CNBD1: variants seen among roughly 807,000 people sequenced by gnomAD.
CNBD1 encodes cyclic nucleotide binding domain containing 1.
CNBD1 carries 71 observed loss-of-function variants against 54.4 expected under a neutral mutation model. The observed-to-expected ratio is 1.30, with a 90% CI of 1.08 to 1.59. CNBD1 has a LOEUF of 1.59. CNBD1 is among the 40% of genes most tolerant of loss of function. The pLI, the probability that CNBD1 is intolerant of heterozygous loss-of-function variation, is 0.00. For missense variants in CNBD1, 659 were observed against 518.0 expected, an observed-to-expected ratio of 1.27 and a Z score of -2.64; for synonymous variants, 182 against 170.7, an observed-to-expected ratio of 1.07 and a Z score of -0.51.
chr8:86,940,238 C>T (rs189725505), intron 4 of CNBD1, among the ~76,000 whole-genome samples: 118 of 147,478 alleles, frequency 8.0e-4, no homozygotes, highest in African/African-American at 2.9e-3. Flanking sequence ...GCAATCTCAA[C>T]TCACTGCAAC....
At chr8:87,255,158 G>C (rs936751899) in intron 6 of CNBD1, among the ~76,000 whole-genome samples, 2 of 151,968 alleles carry the variant, frequency 1.3e-5, no homozygotes, top group African/African-American at 4.8e-5. Flanking sequence ...CATTTCAGTT[G>C]GATTATGTCA....
intron 5 of CNBD1, among the ~76,000 whole-genome samples, chr8:87,224,658 G>C (rs1365885311): frequency 6.6e-6 from 1 of 151,818 alleles, no homozygotes; most frequent in Non-Finnish European, 1.5e-5. Context: ...TTGTAGTATA[G>C]TTTGAAGTCA....
chr8:87,173,958 A>G (rs1053027113), intron 4 of CNBD1, among the ~76,000 whole-genome samples: 3 of 149,988 alleles, frequency 2.0e-5, no homozygotes, highest in Non-Finnish European at 4.4e-5. Context: ...TTATTTATTT[A>G]TTTATTATTA....
chr8:87,215,348 T>G (rs1814186506), intron 5 of CNBD1, among the ~76,000 whole-genome samples: 1 of 152,128 alleles, frequency 6.6e-6, no homozygotes, highest in Admixed American at 6.5e-5. Flanking sequence ...TTATTGCTGA[T>G]GCATAAGGTG....
chr8:87,312,897 T>C (rs1280785388), intron 8 of CNBD1, among the ~76,000 whole-genome samples: 1 of 152,048 alleles, frequency 6.6e-6, no homozygotes, highest in African/African-American at 2.4e-5. Flanking sequence ...GATAGAGCTA[T>C]GAGATTTGTA....
chr8:87,370,909 G>T (rs1384440269), intron 10 of CNBD1, among the ~76,000 whole-genome samples: 5 of 151,236 alleles, frequency 3.3e-5, no homozygotes, highest in Non-Finnish European at 7.4e-5. Context: ...TTTGTATAAG[G>T]TATAAGGAAG....
rs1563441924 is a variant in CNBD1, at chr8:87,030,934, CTTCCCCCT to C, written c.431+91181_431+91188del. The stretch of plus-strand genomic sequence containing the variant: ...CTCCTCCCCCCCTCCTCCTGCCCCC[CTTCCCCCT>C]CCTCCCCCTCTTCCTCTCCCCCCTT... On this transcript the variant is annotated intron_variant, in intron 4 of 10. Coordinates refer to ENST00000518476, the MANE Select transcript of CNBD1 (RefSeq NM_173538.3). 5.8e-3 allele frequency among the ~76,000 whole-genome samples: 617 copies of C among 106,436 alleles called. 16 individuals are homozygous for C. Among genetic ancestry groups the C allele is most frequent in the African/African-American group, 0.022 (590 of 26,448 alleles). The allele number at this position is 106,436 out of a possible 152,430, so 69.8% of individuals were successfully genotyped here.
intron 4 of CNBD1, among the ~76,000 whole-genome samples, chr8:86,940,340 T>C (rs1206548787): frequency 6.6e-6 from 1 of 152,080 alleles, no homozygotes; most frequent in Admixed American, 6.5e-5. Context: ...CTAATTTTTG[T>C]ATTTTTAGTA....
chr8:87,093,695 C>T (rs1811262570), intron 4 of CNBD1, among the ~76,000 whole-genome samples: 1 of 152,126 alleles, frequency 6.6e-6, no homozygotes, highest in African/African-American at 2.4e-5. Context: ...CTATTTTCAC[C>T]TGATTCAGTT....
chr8:87,261,262 C>A (rs575259697), intron 6 of CNBD1, among the ~76,000 whole-genome samples: 3 of 152,136 alleles, frequency 2.0e-5, no homozygotes, highest in African/African-American at 7.2e-5. Context: ...GGGAGCTTAC[C>A]CACGATCCCC....
chr8:87,119,950 C>G (rs1397235111), intron 4 of CNBD1, among the ~76,000 whole-genome samples: 3 of 151,774 alleles, frequency 2.0e-5, no homozygotes, highest in Non-Finnish European at 4.4e-5. Flanking sequence ...GGTGTGTTAT[C>G]TTTTTGATGT....
chr8:87,425,219 C>A (rs942482870), intron 2 of CNBD1, among the ~76,000 whole-genome samples: 62 of 152,176 alleles, frequency 4.1e-4, no homozygotes, highest in African/African-American at 1.4e-3. Context: ...GTTATACATT[C>A]TTCTAAATTT....
intron 4 of CNBD1, among the ~76,000 whole-genome samples, chr8:87,010,285 A>G (rs866627505): frequency 4.6e-5 from 7 of 151,342 alleles, no homozygotes; most frequent in Middle Eastern, 3.4e-3. Context: ...TCCTGACACG[A>G]TTTTTTTTTC....
chr8:87,215,057 G>A (rs903936385), intron 5 of CNBD1, among the ~76,000 whole-genome samples: 1 of 152,120 alleles, frequency 6.6e-6, no homozygotes, highest in Non-Finnish European at 1.5e-5. Context: ...ATTCACAGTA[G>A]CCATTATGTG....
intron 4 of CNBD1, among the ~76,000 whole-genome samples, chr8:86,997,964 T>C (rs1808912997): frequency 6.6e-6 from 1 of 152,174 alleles, no homozygotes; most frequent in East Asian, 1.9e-4. Flanking sequence ...TTCTGTCCTT[T>C]AAGTGCTGAG....
rs147460165 is a variant in CNBD1 at position 86,938,879 on chromosome 8, T to G, written c.273-717T>G. On this transcript the variant is annotated intron_variant, in intron 3 of 10. Transcript: ENST00000518476. ...GATAATTTAGTATTGCTGTTATGAT[T>G]CCACATATCTTATATTTAATTTTAA... 3.4e-4 allele frequency among the ~76,000 whole-genome samples: 52 copies of G among 152,336 alleles called. 1 individual carries two copies. Among genetic ancestry groups the G allele is most frequent in the African/African-American group, 1.2e-3 (50 of 41,568 alleles).
chr8:87,391,502 T>C (rs918257386), intron 2 of CNBD1, among the ~76,000 whole-genome samples: 2 of 152,110 alleles, frequency 1.3e-5, no homozygotes, highest in Non-Finnish European at 2.9e-5. Context: ...AGTAGACATG[T>C]GTAACAATGG....
rs142006894 is a variant in CNBD1 at position 86,986,019 on chromosome 8, C to T, written c.431+46265C>T. ...AATATCGGCTCACCGCAACCTCTAC[C>T]TCCTGAGTTCAAGCAATTCTCCTGC... On this transcript the variant is annotated intron_variant, in intron 4 of 10. Transcript: ENST00000518476. 3.3e-3 allele frequency among the ~76,000 whole-genome samples: 499 copies of T among 152,174 alleles called. 2 individuals carry two copies. The highest frequency in any genetic ancestry group is 3.7e-3 in the Admixed American group (56 of 15,264).
chr8:86,903,362 C>CT (rs1420220157), intron 2 of CNBD1, among the ~76,000 whole-genome samples: 1 of 152,090 alleles, frequency 6.6e-6, no homozygotes, highest in Non-Finnish European at 1.5e-5. Flanking sequence ...ATGATCTATC[C>CT]AGAGCACAAA....
Sources: gnomAD v4.1 joint callset for allele counts (sites outside exome capture counted in the v4.1 genomes callset) on GRCh38, gnomAD v4.1.1 for gene constraint, MANE v1.5 for transcripts, NCBI Gene and HGNC (gene_info 2026-07-23, HGNC 2026-07-21) for gene names.